PCDHGA2: variants seen among roughly 807,000 people sequenced by gnomAD.
PCDHGA2 encodes protocadherin gamma subfamily A, 2.
Under a neutral mutation model 59.2 loss-of-function variants are expected in PCDHGA2, and 40 were observed. The observed-to-expected ratio is 0.68, with a 90% CI of 0.52 to 0.88. The LOEUF is 0.88. PCDHGA2 is among the 40% of genes least tolerant of loss of function. The pLI is 0.00. For synonymous variants in PCDHGA2, 560 were observed against 526.0 expected, an observed-to-expected ratio of 1.06 and a Z score of -0.89; for missense variants, 1,226 against 1,204.0, an observed-to-expected ratio of 1.02 and a Z score of -0.27.
At position 141,422,526 on chromosome 5, in the gene PCDHGA2, G is replaced by A. The variant is rs956066609; in HGVS notation, c.2425-72281G>A. 9 of 1,613,866 alleles carry A rather than the reference G, an allele frequency of 5.6e-6. No homozygotes were observed. In the African/African-American group the frequency reaches 1.1e-4, roughly 19 times the overall value. The stretch of plus-strand genomic sequence containing the variant: ...CCACAGACCAGGGAAGCCCGCCTTT[G>A]TCTGCAGAAACTCATGTCTGGCTGA... On this transcript the variant is annotated intron_variant, in intron 1 of 3. Coordinates refer to ENST00000394576, the MANE Select transcript of PCDHGA2 (RefSeq NM_018915.4).
At chr5:141,438,400 T>C (rs2154557880) in intron 1 of PCDHGA2, among the ~76,000 whole-genome samples, 1 of 151,918 alleles carries the variant, frequency 6.6e-6, no homozygotes, top group Non-Finnish European at 1.5e-5. Context: ...TCATTAACTC[T>C]CTGAAGTATT....
intron 1 of PCDHGA2, chr5:141,420,142 G>T: frequency 4.3e-6 from 7 of 1,614,004 alleles, no homozygotes; most frequent in Non-Finnish European, 5.9e-6. Flanking sequence ...GGGATCAAAT[G>T]AATCCAGAAT....
intron 1 of PCDHGA2, chr5:141,357,111 G>A (rs1377471410): frequency 1.2e-6 from 2 of 1,613,722 alleles, no homozygotes; most frequent in African/African-American, 2.7e-5. Context: ...ACAGAGACGC[G>A]CTCAAGCAGA....
intron 1 of PCDHGA2, among the ~76,000 whole-genome samples, chr5:141,442,879 A>T (rs1399128822): frequency 6.6e-6 from 1 of 152,256 alleles, no homozygotes; most frequent in Non-Finnish European, 1.5e-5. Flanking sequence ...TTTACAACTC[A>T]GAATCCCTGC....
In PCDHGA2 at chr5:141,339,876, C is replaced by T. The variant is rs764027282; in HGVS notation, c.905C>T (p.Thr302Ile). The T allele has an allele frequency of 1.2e-6, 2 of 1,614,118 alleles. No homozygotes were observed. Among genetic ancestry groups the T allele is most frequent in the Admixed American group, 1.7e-5 (1 of 60,020 alleles). Residue 302 changes from threonine to isoleucine, a missense_variant, in exon 1 of 4, where the codon ACA (threonine) becomes ATA (isoleucine). Coordinates refer to ENST00000394576, the MANE Select transcript of PCDHGA2 (RefSeq NM_018915.4). Reference sequence around the variant, plus strand: ...CTTAAGTCAACATCTGGAGAACTGACAATCATAAAAGATCTAGATTATGAG... The same window carrying T: ...CTTAAGTCAACATCTGGAGAACTGATAATCATAAAAGATCTAGATTATGAG... ...FELKSTSGEL[T>I]IIKDLDYEDA...
At chr5:141,467,932 TA>T (rs1391978978) in intron 1 of PCDHGA2, among the ~76,000 whole-genome samples, 4 of 152,186 alleles carry the variant, frequency 2.6e-5, no homozygotes, top group Non-Finnish European at 4.4e-5. Flanking sequence ...ATGCTAGGAT[TA>T]CAAGCATGAG....
intron 1 of PCDHGA2, chr5:141,478,581 T>C: frequency 6.3e-7 from 1 of 1,580,158 alleles, no homozygotes; most frequent in Non-Finnish European, 8.6e-7. Flanking sequence ...ACCCTGTTAG[T>C]GCTTTTTTAT....
At chr5:141,417,710 TC>T (rs1471403767) in intron 1 of PCDHGA2, 1 of 1,249,228 alleles carries the variant, frequency 8.0e-7, no homozygotes, top group Non-Finnish European at 1.1e-6. Flanking sequence ...ACACAGAGGC[TC>T]CCGGCTGCGC....
intron 1 of PCDHGA2, among the ~76,000 whole-genome samples, chr5:141,358,006 A>G (rs186822716): frequency 6.6e-5 from 10 of 152,300 alleles, no homozygotes; most frequent in African/African-American, 2.2e-4. Flanking sequence ...TCTGGGCAAC[A>G]TGGTGAAACC....
At chr5:141,401,485 G>A (rs2094160307) in intron 1 of PCDHGA2, among the ~76,000 whole-genome samples, 2 of 152,152 alleles carry the variant, frequency 1.3e-5, no homozygotes, top group Admixed American at 6.5e-5. Context: ...AGGTTTTCTT[G>A]GATGCAAAAT....
At chr5:141,417,937 C>T (rs571233315) in intron 1 of PCDHGA2, 2 of 1,612,530 alleles carry the variant, frequency 1.2e-6, no homozygotes, top group South Asian at 1.1e-5. Context: ...CTTTGTTCTA[C>T]CCCACGCTGT....
intron 1 of PCDHGA2, chr5:141,427,962 G>C (rs767684725): frequency 5.0e-6 from 8 of 1,589,982 alleles, no homozygotes; most frequent in Non-Finnish European, 6.9e-6. Flanking sequence ...TGTGCCGCGG[G>C]TGCTGTACCC....
intron 1 of PCDHGA2, chr5:141,433,110 G>T (rs1031253372): frequency 1.2e-6 from 2 of 1,614,098 alleles, no homozygotes; most frequent in East Asian, 4.5e-5. Context: ...AGCCAGGAGA[G>T]CTTTGAAAAA....
intron 1 of PCDHGA2, among the ~76,000 whole-genome samples, chr5:141,363,451 T>C (rs545023323): frequency 6.6e-6 from 1 of 152,378 alleles, no homozygotes; most frequent in Non-Finnish European, 1.5e-5. Context: ...TCAGTACTTC[T>C]CGACAAGTAT....
intron 1 of PCDHGA2, chr5:141,415,493 T>C (rs1312874620): frequency 6.2e-7 from 1 of 1,614,108 alleles, no homozygotes; most frequent in Non-Finnish European, 8.5e-7. Context: ...AGTCACCTGA[T>C]CTTCCCCCAG....
At chr5:141,407,135 G>T (rs2094890312) in intron 1 of PCDHGA2, among the ~76,000 whole-genome samples, 1 of 151,812 alleles carries the variant, frequency 6.6e-6, no homozygotes, top group African/African-American at 2.4e-5. Context: ...TTATTTTTAA[G>T]AAAAAAAAGC....
At chr5:141,347,228 A>T (rs1384290529) in intron 1 of PCDHGA2, among the ~76,000 whole-genome samples, 1 of 146,872 alleles carries the variant, frequency 6.8e-6, no homozygotes, top group Admixed American at 7.0e-5. Flanking sequence ...ATCACGGCTC[A>T]CTGCAGCCTT....
chr5:141,459,105 T>C (rs904382532), intron 1 of PCDHGA2, among the ~76,000 whole-genome samples: 7 of 152,208 alleles, frequency 4.6e-5, no homozygotes, highest in Non-Finnish European at 7.4e-5. Flanking sequence ...GCAATGCATT[T>C]TGACAATTGT....
chr5:141,380,978 A>C (rs1244318995), intron 1 of PCDHGA2, among the ~76,000 whole-genome samples: 1 of 152,254 alleles, frequency 6.6e-6, no homozygotes, highest in Non-Finnish European at 1.5e-5. Context: ...AAACAAATAG[A>C]ATTTAACTCC....
Sources: gnomAD v4.1 joint callset for allele counts (sites outside exome capture counted in the v4.1 genomes callset) on GRCh38, gnomAD v4.1.1 for gene constraint, MANE v1.5 for transcripts, NCBI Gene and HGNC (gene_info 2026-07-23, HGNC 2026-07-21) for gene names.